Variants in GABRG3 observed in about 807,000 individuals in gnomAD.
GABRG3 encodes the protein gamma-aminobutyric acid receptor subunit gamma-3.
GABRG3 carries 25 observed loss-of-function variants against 48.8 expected under a neutral mutation model. The ratio of observed to expected loss-of-function variants is 0.51; its 90% CI spans 0.37 to 0.72. GABRG3 has a LOEUF of 0.72. Among genes scored for constraint, GABRG3 ranks in the 30% least tolerant of loss-of-function variants. The pLI is 0.00. For synonymous variants in GABRG3, 227 were observed against 217.6 expected (o/e 1.04, Z -0.38); for missense variants, 394 against 577.9 (o/e 0.68, Z 3.26).
intron 7 of GABRG3, among the ~76,000 whole-genome samples, chr15:27,524,117 AATT>A (rs987521129): frequency 1.3e-5 from 2 of 152,084 alleles, no homozygotes; most frequent in Non-Finnish European, 2.9e-5. Flanking sequence ...ACTGAAGAAA[AATT>A]ATTAAGAGTA....
chr15:27,394,810 G>A (rs1019582764), intron 5 of GABRG3, among the ~76,000 whole-genome samples: 1 of 152,084 alleles, frequency 6.6e-6, no homozygotes, highest in Non-Finnish European at 1.5e-5. Context: ...TTCATGACAA[G>A]TCAGCTTTTG....
intron 5 of GABRG3, among the ~76,000 whole-genome samples, chr15:27,399,438 A>G (rs2140585257): frequency 6.6e-6 from 1 of 152,338 alleles, no homozygotes; most frequent in African/African-American, 2.4e-5. Context: ...ATCAGTATTC[A>G]AGTGCCTTAT....
chr15:27,357,867 T>C (rs1048270852), intron 5 of GABRG3, among the ~76,000 whole-genome samples: 15 of 152,210 alleles, frequency 9.9e-5, no homozygotes, highest in African/African-American at 3.4e-4. Flanking sequence ...AACCTGAAAC[T>C]CTATACTATT....
At chr15:27,083,606 A>G (rs976413103) in intron 3 of GABRG3, among the ~76,000 whole-genome samples, 2 of 152,120 alleles carry the variant, frequency 1.3e-5, no homozygotes. Context: ...GATTACAGGC[A>G]TGAACCACCG....
intron 3 of GABRG3, among the ~76,000 whole-genome samples, chr15:27,169,354 C>T (rs1048815284): frequency 3.9e-5 from 6 of 151,976 alleles, no homozygotes; most frequent in Non-Finnish European, 8.8e-5. Flanking sequence ...GGAGGAATAC[C>T]TTGCAAAGGT....
At chr15:27,313,258 GTGTGTA>G (rs1893071006) in intron 3 of GABRG3, among the ~76,000 whole-genome samples, 2 of 53,050 alleles carry the variant, frequency 3.8e-5, no homozygotes, top group African/African-American at 9.1e-5. Flanking sequence ...GTGTGTGTGT[GTGTGTA>G]TATATATATA....
chr15:27,216,750 T>TTTATTTATTTA (rs1889264680), intron 3 of GABRG3, among the ~76,000 whole-genome samples: 203 of 125,862 alleles, frequency 1.6e-3, no homozygotes, highest in African/African-American at 6.2e-3. Context: ...TTTTTTTATT[T>TTTATTTATTTA]TTTATTTATT....
intron 5 of GABRG3, among the ~76,000 whole-genome samples, chr15:27,382,950 A>C (rs779344849): frequency 1.3e-5 from 2 of 152,186 alleles, no homozygotes; most frequent in Non-Finnish European, 2.9e-5. Flanking sequence ...ATTAATCCTA[A>C]ATTCAATGCA....
At chr15:27,381,012 G>A (rs1039052196) in intron 5 of GABRG3, among the ~76,000 whole-genome samples, 1 of 152,136 alleles carries the variant, frequency 6.6e-6, no homozygotes, top group African/African-American at 2.4e-5. Flanking sequence ...TGATCCACCC[G>A]CCTCGGCCTC....
chr15:27,463,534 T>A (rs1035761087), intron 5 of GABRG3, among the ~76,000 whole-genome samples: 3 of 152,212 alleles, frequency 2.0e-5, no homozygotes, highest in African/African-American at 7.2e-5. Flanking sequence ...CACGGCTGAT[T>A]CCAAGACCCT....
At chr15:27,230,692 C>G (rs1889768581) in intron 3 of GABRG3, among the ~76,000 whole-genome samples, 1 of 152,116 alleles carries the variant, frequency 6.6e-6, no homozygotes, top group Non-Finnish European at 1.5e-5. Context: ...AATTACCCCA[C>G]CCTCTTTGGA....
At chr15:27,137,716 T>C (rs891563627) in intron 3 of GABRG3, among the ~76,000 whole-genome samples, 13 of 152,220 alleles carry the variant, frequency 8.5e-5, no homozygotes, top group Admixed American at 5.2e-4. Context: ...TCTCTAGTTG[T>C]AGGACTTTGT....
At chr15:27,053,540 G>A (rs904925347) in intron 3 of GABRG3, among the ~76,000 whole-genome samples, 3 of 152,162 alleles carry the variant, frequency 2.0e-5, no homozygotes, top group African/African-American at 7.2e-5. Flanking sequence ...TTGGTGAGAA[G>A]GTAAATTGGT....
intron 5 of GABRG3, among the ~76,000 whole-genome samples, chr15:27,390,966 G>T (rs150087046): frequency 6.6e-6 from 1 of 152,114 alleles, no homozygotes; most frequent in African/African-American, 2.4e-5. Context: ...GCATGTGCCT[G>T]TAATCCCAGC....
rs906905271 is a variant in GABRG3 at position 27,538,851 on chromosome 15, T to C, written c.*5970T>C. The C allele has an allele frequency of 4.6e-5, 7 of 152,212 alleles. No homozygotes were observed. The highest frequency in any genetic ancestry group is 1.7e-4 in the African/African-American group (7 of 41,462). The allele number at this position is 152,212 out of a possible 1,614,324, so 9.4% of individuals were successfully genotyped here. ...ACTGAAGTTCGATCCCAGTGAATGATGTGTATGTACCCAACACATCCAATT... is the reference window on the plus strand; with the variant it reads ...ACTGAAGTTCGATCCCAGTGAATGACGTGTATGTACCCAACACATCCAATT... On this transcript the variant is annotated 3_prime_UTR_variant, in exon 10 of 10. Coordinates refer to ENST00000615808, the MANE Select transcript of GABRG3 (RefSeq NM_033223.5).
At chr15:27,243,613 CTGTT>C (rs903749690) in intron 3 of GABRG3, among the ~76,000 whole-genome samples, 3 of 152,196 alleles carry the variant, frequency 2.0e-5, no homozygotes, top group East Asian at 1.9e-4. Flanking sequence ...TTTGGGCTGA[CTGTT>C]TGCAGAGTTT....
At chr15:27,432,119 T>C (rs1888472617) in intron 5 of GABRG3, among the ~76,000 whole-genome samples, 1 of 152,188 alleles carries the variant, frequency 6.6e-6, no homozygotes, top group South Asian at 2.1e-4. Context: ...TATTGTGTTA[T>C]TATTGTTTGG....
At chr15:27,055,014 T>G (rs1055811065) in intron 3 of GABRG3, among the ~76,000 whole-genome samples, 2 of 149,206 alleles carry the variant, frequency 1.3e-5, no homozygotes, top group Admixed American at 1.4e-4. Flanking sequence ...CTGTTTTTTT[T>G]TTTTTTTTTT....
chr15:27,227,755 A>T (rs1217954379), intron 3 of GABRG3, among the ~76,000 whole-genome samples: 2 of 152,060 alleles, frequency 1.3e-5, no homozygotes, highest in Non-Finnish European at 2.9e-5. Flanking sequence ...GATTTTACCC[A>T]TGGAAATAAG....
Sources: gnomAD v4.1 joint callset for allele counts (sites outside exome capture counted in the v4.1 genomes callset) on GRCh38, gnomAD v4.1.1 for gene constraint, MANE v1.5 for transcripts, NCBI Gene and HGNC (gene_info 2026-07-23, HGNC 2026-07-21) for gene names.